Variants in DDX60L observed in about 807,000 individuals in gnomAD.
DDX60L encodes the protein probable ATP-dependent RNA helicase DDX60-like.
DDX60L carries 191 observed loss-of-function variants against 211.6 expected under a neutral mutation model. The ratio of observed to expected loss-of-function variants is 0.90; its 90% CI spans 0.80 to 1.02. The LOEUF is 1.02. Among genes scored for constraint, DDX60L ranks in the 50% least tolerant of loss-of-function variants. The pLI, the probability that DDX60L is intolerant of heterozygous loss-of-function variation, is 0.00. For missense variants in DDX60L, 2,007 were observed against 1,984.1 expected (o/e 1.01, Z -0.22); for synonymous variants, 706 against 694.1 (o/e 1.02, Z -0.27).
At chr4:168,391,349 A>C (rs1374747698) in intron 29 of DDX60L, among the ~76,000 whole-genome samples, 191 bp downstream of exon 29, 1 of 152,266 alleles carries the variant, frequency 6.6e-6, no homozygotes, top group Non-Finnish European at 1.5e-5. Context: ...ACTATGAAAA[A>C]GTAGTAACAA....
chr4:168,375,417 C>T lies in DDX60L; in HGVS notation c.4593G>A (p.Val1531=). 1 of 1,612,490 alleles carries T rather than the reference C, an allele frequency of 6.2e-7. No individual in the cohort carries two copies. The highest frequency in any genetic ancestry group is 8.5e-7 in the Non-Finnish European group (1 of 1,179,254). The change falls in exon 34 of 38, where the codon GTG becomes GTA. Residue 1531 remains valine, a synonymous_variant. Transcript: ENST00000682922. ...GGAGTTGATGCTCTTTTTTCATGTT[C>T]ACCGACTTGGAAGCAATCAGCAGGA... ...ASFLLIASKS[V]NMKKEHQLPL...
At chr4:168,460,950 G>A (rs1757243660) in intron 5 of DDX60L, among the ~76,000 whole-genome samples, 1 of 152,222 alleles carries the variant, frequency 6.6e-6, no homozygotes, top group African/African-American at 2.4e-5. Context: ...GGAACAGCCA[G>A]ATGGAACAGA....
intron 29 of DDX60L, among the ~76,000 whole-genome samples, chr4:168,387,967 T>C (rs1419105104): frequency 1.3e-5 from 2 of 152,170 alleles, no homozygotes; most frequent in African/African-American, 4.8e-5. Context: ...AATCACCTCA[T>C]GTCCACAGAT....
At chr4:168,381,303 A>G (rs565291427) in intron 30 of DDX60L, among the ~76,000 whole-genome samples, 19 of 152,258 alleles carry the variant, frequency 1.2e-4, no homozygotes, top group African/African-American at 4.3e-4. Context: ...AGACCTTTGC[A>G]GCATTCCCTC....
chr4:168,452,816 AT>A (rs1366872494), intron 8 of DDX60L, among the ~76,000 whole-genome samples: 1 of 152,182 alleles, frequency 6.6e-6, no homozygotes, highest in African/African-American at 2.4e-5. Flanking sequence ...GAAAAAATAA[AT>A]TCATAAACAC....
At chr4:168,374,530 A>G (rs1383151629) in intron 34 of DDX60L, among the ~76,000 whole-genome samples, 1 of 152,210 alleles carries the variant, frequency 6.6e-6, no homozygotes, top group Non-Finnish European at 1.5e-5. Context: ...TCAAGAACAA[A>G]TAATTGAAGC....
At chr4:168,460,618 T>C (rs774755000) in intron 5 of DDX60L, among the ~76,000 whole-genome samples, 4 of 149,616 alleles carry the variant, frequency 2.7e-5, no homozygotes, top group Admixed American at 6.6e-5. Context: ...CTTATAACAC[T>C]AACAAAAAAA....
chr4:168,395,757 C>A, intron 27 of DDX60L: 1 of 478,088 alleles, frequency 2.1e-6, no homozygotes, highest in Non-Finnish European at 3.6e-6. Context: ...GGCTGACATT[C>A]ACACTGAGCA....
At position 168,400,917 on chromosome 4, in the gene DDX60L, C is replaced by T. The variant is rs907782570; in HGVS notation, c.3400G>A (p.Glu1134Lys). The change falls in exon 26 of 38, where the codon GAG (glutamate) becomes AAG (lysine). Residue 1134 changes from glutamate (E) to lysine (K), a missense_variant. By Grantham distance (56) the Glu-to-Lys change is moderately conservative (BLOSUM62 1). Transcript: ENST00000682922. ...GSVCTFLEKTETKSHPHTECH... is the reference protein window; with the variant it reads ...GSVCTFLEKTKTKSHPHTECH... ...TCAGTGTGGGGATGGCTTTTTGTCTCTGTCTTCTCCAGAAAAGTGCACACA... is the reference window on the plus strand; with the variant it reads ...TCAGTGTGGGGATGGCTTTTTGTCTTTGTCTTCTCCAGAAAAGTGCACACA... 1 of 1,613,650 alleles carries T rather than the reference C, an allele frequency of 6.2e-7. No homozygotes were observed. The highest frequency in any genetic ancestry group is 1.7e-5 in the Admixed American group (1 of 59,994).
chr4:168,446,648 A>T (rs1754853004), intron 9 of DDX60L, among the ~76,000 whole-genome samples: 1 of 151,726 alleles, frequency 6.6e-6, no homozygotes, highest in Admixed American at 6.6e-5. Context: ...AGGCTACAGG[A>T]ACCAAAACAG....
chr4:168,358,487 C>A (rs1738507981), intron 37 of DDX60L, among the ~76,000 whole-genome samples: 1 of 151,128 alleles, frequency 6.6e-6, no homozygotes, highest in African/African-American at 2.4e-5. Flanking sequence ...AAGATATATA[C>A]CTTCACACAG....
chr4:168,445,566 G>C (rs1432195597), intron 9 of DDX60L, among the ~76,000 whole-genome samples: 1 of 152,140 alleles, frequency 6.6e-6, no homozygotes, highest in Non-Finnish European at 1.5e-5. Flanking sequence ...GCCAGGCAGA[G>C]ACACAACAAA....
At chr4:168,470,885 C>A in intron 4 of DDX60L, 2 of 259,260 alleles carry the variant, frequency 7.7e-6, no homozygotes, top group South Asian at 3.5e-5. Flanking sequence ...CTCAAGAAGG[C>A]AATAGAAAGG....
chr4:168,457,320 C>T (rs922272065), intron 6 of DDX60L, among the ~76,000 whole-genome samples: 1 of 150,912 alleles, frequency 6.6e-6, no homozygotes, highest in Admixed American at 6.6e-5. Flanking sequence ...ACAATATGTC[C>T]TCAGCTACAC....
chr4:168,396,256 T>C, intron 26 of DDX60L, 132 bp from the exon 27 acceptor site: 4 of 539,768 alleles, frequency 7.4e-6, no homozygotes, highest in Middle Eastern at 4.9e-4. Flanking sequence ...CCTGACTTGG[T>C]CTCCCCTTCC....
Position 168,473,113 on chromosome 4 carries a change from T to G in DDX60L, c.-110-304A>C, listed in dbSNP as rs147519964. Among the ~76,000 whole-genome samples the G allele has an allele frequency of 3.1e-3, 478 of 152,310 alleles. 1 individual carries two copies. The highest frequency in any genetic ancestry group is 0.01 in the African/African-American group (430 of 41,572). On this transcript the variant is annotated intron_variant, in intron 1 of 37. Coordinates refer to ENST00000682922, the MANE Select transcript of DDX60L (RefSeq NM_001012967.3). ...AACAGAACAGCATGTGCAAAGGCCCTGTGACAGAGGACAGTATGGAAAGTA... is the reference window on the plus strand; with the variant it reads ...AACAGAACAGCATGTGCAAAGGCCCGGTGACAGAGGACAGTATGGAAAGTA...
chr4:168,448,086 A>C (rs2150035474), intron 9 of DDX60L, among the ~76,000 whole-genome samples: 1 of 152,316 alleles, frequency 6.6e-6, no homozygotes, highest in South Asian at 2.1e-4. Context: ...AAAACTAGTA[A>C]AATTTGCTAC....
chr4:168,401,686 A>G (rs1041650702), intron 25 of DDX60L, among the ~76,000 whole-genome samples: 3 of 152,260 alleles, frequency 2.0e-5, no homozygotes, highest in African/African-American at 7.2e-5. Context: ...GTCCAGTAAT[A>G]TAACACTCAT....
chr4:168,369,775 C>T (rs1472822248), intron 36 of DDX60L, among the ~76,000 whole-genome samples: 1 of 152,024 alleles, frequency 6.6e-6, no homozygotes, highest in Non-Finnish European at 1.5e-5. Context: ...ATAGACATTT[C>T]TCAACAGAAA....
Sources: allele counts gnomAD v4.1 joint callset (sites outside exome capture counted in the v4.1 genomes callset), GRCh38; gene constraint gnomAD v4.1.1; transcripts MANE v1.5; gene names NCBI Gene and HGNC (gene_info 2026-07-23, HGNC 2026-07-21).